Variants in CNTNAP2 observed in about 807,000 individuals in gnomAD.
CNTNAP2 encodes the protein contactin-associated protein-like 2.
Under a neutral mutation model 155.2 loss-of-function variants are expected in CNTNAP2, and 98 were observed. The ratio of observed to expected loss-of-function variants is 0.63; its 90% CI spans 0.54 to 0.75. The LOEUF is 0.75. CNTNAP2 is among the 30% of genes least tolerant of loss of function. CNTNAP2 has a pLI of 0.00. For missense variants in CNTNAP2, 1,727 were observed against 1,688.1 expected (o/e 1.02, Z -0.40); for synonymous variants, 651 against 631.2 (o/e 1.03, Z -0.47).
chr7:146,777,981 A>G (rs1438117324), intron 2 of CNTNAP2, among the ~76,000 whole-genome samples: 2 of 152,176 alleles, frequency 1.3e-5, no homozygotes, highest in African/African-American at 2.4e-5. Flanking sequence ...CAGAAAAAAT[A>G]TATGAACATT....
intron 1 of CNTNAP2, among the ~76,000 whole-genome samples, chr7:146,382,236 G>A (rs192186325): frequency 1.7e-3 from 262 of 152,262 alleles, no homozygotes; most frequent in Middle Eastern, 3.4e-3. Context: ...ACTTCCAGAC[G>A]TTTGCATCTT....
intron 1 of CNTNAP2, among the ~76,000 whole-genome samples, chr7:146,738,817 G>A (rs1801662469): frequency 6.9e-6 from 1 of 144,330 alleles, no homozygotes; most frequent in Admixed American, 6.9e-5. Context: ...CTCCTTACTT[G>A]TTATTGGTCT....
At chr7:147,002,628 C>A (rs1798445468) in intron 3 of CNTNAP2, among the ~76,000 whole-genome samples, 1 of 151,946 alleles carries the variant, frequency 6.6e-6, no homozygotes. Context: ...CTATCAATAA[C>A]AGAAATTTAT....
chr7:146,451,356 T>C (rs753123111), intron 1 of CNTNAP2, among the ~76,000 whole-genome samples: 12 of 152,136 alleles, frequency 7.9e-5, no homozygotes, highest in Non-Finnish European at 1.6e-4. Context: ...TCAGTCGATT[T>C]CCCTTTTCTC....
At chr7:147,543,596 T>A (rs1253006666) in intron 11 of CNTNAP2, among the ~76,000 whole-genome samples, 2 of 152,192 alleles carry the variant, frequency 1.3e-5, no homozygotes, top group African/African-American at 4.8e-5. Flanking sequence ...AATAAGGACA[T>A]GAAGATTATC....
chr7:147,837,207 G>A (rs1325587748), intron 13 of CNTNAP2, among the ~76,000 whole-genome samples: 1 of 152,160 alleles, frequency 6.6e-6, no homozygotes, highest in East Asian at 1.9e-4. Context: ...TTGCTGGGGA[G>A]GCCCCACAAT....
intron 3 of CNTNAP2, among the ~76,000 whole-genome samples, chr7:146,849,559 G>A (rs901553408): frequency 6.6e-6 from 1 of 152,108 alleles, no homozygotes; most frequent in Non-Finnish European, 1.5e-5. Context: ...ACACTTTCTC[G>A]TGGTGTGTAT....
chr7:147,200,874 T>C (rs1315148603), intron 8 of CNTNAP2, among the ~76,000 whole-genome samples: 1 of 152,236 alleles, frequency 6.6e-6, no homozygotes, highest in Non-Finnish European at 1.5e-5. Context: ...TGTCTGCTTG[T>C]TTTTGTAAGA....
intron 21 of CNTNAP2, among the ~76,000 whole-genome samples, chr7:148,296,477 T>C (rs1249887579): frequency 1.5e-5 from 2 of 135,544 alleles, no homozygotes; most frequent in African/African-American, 2.8e-5. Flanking sequence ...CACCCGGGGG[T>C]GGAGTTCGCA....
intron 9 of CNTNAP2, among the ~76,000 whole-genome samples, chr7:147,348,282 T>A (rs1795910698): frequency 6.6e-6 from 1 of 151,382 alleles, no homozygotes; most frequent in Non-Finnish European, 1.5e-5. Flanking sequence ...ATCCAGAATA[T>A]ACAAGGAACT....
intron 14 of CNTNAP2, among the ~76,000 whole-genome samples, chr7:147,944,025 T>C (rs1385750953): frequency 6.6e-6 from 1 of 152,130 alleles, no homozygotes; most frequent in Non-Finnish European, 1.5e-5. Flanking sequence ...AAATGAATGC[T>C]TTTCTGAAAT....
chr7:148,137,204 A>G (rs1186888069), intron 16 of CNTNAP2, among the ~76,000 whole-genome samples: 1 of 152,228 alleles, frequency 6.6e-6, no homozygotes, highest in Non-Finnish European at 1.5e-5. Context: ...TAGTTTCCTC[A>G]TTTCTAATAT....
intron 13 of CNTNAP2, among the ~76,000 whole-genome samples, chr7:147,648,247 A>C (rs1435175790): frequency 1.3e-5 from 2 of 152,288 alleles, no homozygotes; most frequent in Non-Finnish European, 2.9e-5. Flanking sequence ...CCAGGAGAGA[A>C]AGAAGAGTGT....
intron 3 of CNTNAP2, among the ~76,000 whole-genome samples, chr7:146,957,267 A>G (rs1302744328): frequency 6.6e-6 from 1 of 152,216 alleles, no homozygotes; most frequent in Non-Finnish European, 1.5e-5. Context: ...ATCTAAATAT[A>G]GAAAATGTAA....
At chr7:146,976,757 C>G (rs1343973222) in intron 3 of CNTNAP2, among the ~76,000 whole-genome samples, 1 of 152,086 alleles carries the variant, frequency 6.6e-6, no homozygotes, top group Non-Finnish European at 1.5e-5. Context: ...TGTCATTACA[C>G]AAGAAGGGTA....
At chr7:146,404,141 A>AAAAAAAAAAAAC (rs1367526173) in intron 1 of CNTNAP2, among the ~76,000 whole-genome samples, 24 of 147,490 alleles carry the variant, frequency 1.6e-4, no homozygotes, top group African/African-American at 6.3e-4. Flanking sequence ...AAAAAAAAAA[A>AAAAAAAAAAAAC]ACAAAGAACT....
chr7:147,348,171 T>C (rs1162268166), intron 9 of CNTNAP2, among the ~76,000 whole-genome samples: 1 of 151,940 alleles, frequency 6.6e-6, no homozygotes, highest in Non-Finnish European at 1.5e-5. Context: ...AATGAGATTA[T>C]ATCACAGCAC....
At chr7:147,893,646 G>C (rs1165093506) in intron 13 of CNTNAP2, among the ~76,000 whole-genome samples, 4 of 152,092 alleles carry the variant, frequency 2.6e-5, no homozygotes, top group Non-Finnish European at 4.4e-5. Flanking sequence ...GATCTTAGTG[G>C]AATCATAGGG....
At chr7:147,648,336 G>A (rs1462459920) in intron 13 of CNTNAP2, among the ~76,000 whole-genome samples, 1 of 152,166 alleles carries the variant, frequency 6.6e-6, no homozygotes, top group Non-Finnish European at 1.5e-5. Context: ...CTCATTAAAT[G>A]TCTTGAACAA....
Sources: gnomAD v4.1 joint callset for allele counts (sites outside exome capture counted in the v4.1 genomes callset) on GRCh38, gnomAD v4.1.1 for gene constraint, MANE v1.5 for transcripts, NCBI Gene and HGNC (gene_info 2026-07-23, HGNC 2026-07-21) for gene names.